Variants in USHBP1 observed in about 807,000 individuals in gnomAD.
The protein encoded by USHBP1 is USH1 protein network component harmonin binding protein 1, also known as harmonin-binding protein USHBP1.
In USHBP1, 67 loss-of-function variants were observed where a neutral mutation model predicts 76.2. That is an observed-to-expected ratio of 0.88 (90% CI 0.72 to 1.08). The LOEUF is 1.08. Among genes scored for constraint, USHBP1 ranks in the 50% least tolerant of loss-of-function variants. The probability of loss-of-function intolerance (pLI) is 0.00; values close to 1 mark genes in which losing one functional copy is unlikely to be tolerated. For missense variants in USHBP1, 931 were observed against 915.0 expected (o/e 1.02, Z -0.23); for synonymous variants, 322 against 362.2 (o/e 0.89, Z 1.26).
chr19:17,264,282 C>T lies in USHBP1; in HGVS notation c.18G>A (p.Thr6=), dbSNP rs890956444. The T allele has an allele frequency of 1.5e-5, 24 of 1,612,940 alleles. No homozygotes were observed. The East Asian group carries it at 2.2e-4, about 15-fold the overall frequency. The part of the protein sequence containing the change: MSARA[T]RPRSRRGRHA... ...GCCTCCCTCGCCGGCTTCGGGGCCG[C>T]GTGGCCCGGGCACTCATTGCTGTCC... Residue 6 remains threonine (T), a synonymous_variant, in exon 2 of 13, where the codon ACG becomes ACA. Coordinates refer to ENST00000252597, the MANE Select transcript of USHBP1 (RefSeq NM_031941.4).
In USHBP1 at chr19:17,261,337, C is replaced by CTTTCTTTCT. The variant is rs747378053; in HGVS notation, c.642+1214_642+1215insAGAAAGAAA. On this transcript the variant is annotated intron_variant, in intron 4 of 12. Transcript: ENST00000252597. ...TTTCTTTTTCTTTCTTTCTTTCTTT[C>CTTTCTTTCT]TTTTTTTTTTTTTTTTGAGAAAGAG... Among the ~76,000 whole-genome samples, 488 of 123,886 alleles carry CTTTCTTTCT rather than the reference C, an allele frequency of 3.9e-3. 4 individuals carry two copies. Among genetic ancestry groups the CTTTCTTTCT allele is most frequent in the African/African-American group, 0.014 (443 of 30,868 alleles). The allele number at this position is 123,886 out of a possible 152,430, so 81.3% of individuals were successfully genotyped here.
intron 4 of USHBP1, among the ~76,000 whole-genome samples, chr19:17,261,651 T>A (rs913836870): frequency 6.7e-5 from 10 of 149,638 alleles, no homozygotes; most frequent in Non-Finnish European, 8.9e-5. Context: ...TTTTTTTTTT[T>A]TTTTGAGACA....
chr19:17,249,446 A>G lies in USHBP1; in HGVS notation c.*779T>C, dbSNP rs11086063. The G allele has an allele frequency of 0.5, 73,566 of 147,868 alleles. 18,379 individuals carry two copies. Among genetic ancestry groups the G allele is most frequent in the East Asian group, 0.82 (4,181 of 5,124 alleles). 9.2% of individuals were successfully genotyped at this position (147,868 alleles called of 1,614,324 possible). A position where few individuals can be genotyped will look rare whatever the true frequency, so the allele number is the denominator to read the frequency against. ...GACCTCAGGTGATCCTCCCCGCCTC[A>G]GCCTCCCAAAGTGCTGGGATTACAG... On this transcript the variant is annotated 3_prime_UTR_variant, in exon 13 of 13. Transcript: ENST00000252597.
Position 17,250,101 on chromosome 19 carries a change from A to G in USHBP1, c.*124T>C. Reference sequence around the variant, plus strand: ...CAGGCCCTGGACACCCATGTGCACCAGCTTCCCTCACGCCAAATGTGCCCC... The same window carrying G: ...CAGGCCCTGGACACCCATGTGCACCGGCTTCCCTCACGCCAAATGTGCCCC... On this transcript the variant is annotated 3_prime_UTR_variant, in exon 13 of 13. Transcript: ENST00000252597. 1 of 1,164,338 alleles carries G rather than the reference A, an allele frequency of 8.6e-7. No individual in the cohort carries two copies. The highest frequency in any genetic ancestry group is 1.2e-6 in the Non-Finnish European group (1 of 839,672). The allele number at this position is 1,164,338 out of a possible 1,614,324, so 72.1% of individuals were successfully genotyped here.
chr19:17,262,868 A>G lies in USHBP1; in HGVS notation c.326T>C (p.Val109Ala). 6.2e-7 allele frequency: 1 copy of G among 1,612,730 alleles called. No homozygotes were observed. Among genetic ancestry groups the G allele is most frequent in the South Asian group, 1.1e-5 (1 of 91,016 alleles). Residue 109 changes from valine to alanine, a missense_variant, in exon 4 of 13, where the codon GTG (valine) becomes GCG (alanine). Transcript: ENST00000252597. ...ATCGGGGGCCCCATTCCCAGGGGGCACAGTCTCCTTGTACTGTAGGGCTGC... is the reference window on the plus strand; with the variant it reads ...ATCGGGGGCCCCATTCCCAGGGGGCGCAGTCTCCTTGTACTGTAGGGCTGC... ...PEAALQYKET[V>A]PPGNGAPDVF...
intron 6 of USHBP1, 49 bp downstream of exon 6, chr19:17,259,547 T>C (rs775033559): frequency 6.2e-7 from 1 of 1,602,210 alleles, no homozygotes. Context: ...TATAACTCAG[T>C]TGGAGGAGGT....
Position 17,262,997 on chromosome 19 carries a change from AC to A in USHBP1, c.204-8del. 6.6e-7 allele frequency: 1 copy of A among 1,506,738 alleles called. No individual in the cohort carries two copies. The highest frequency in any genetic ancestry group is 8.9e-7 in the Non-Finnish European group (1 of 1,127,636). 93.3% of individuals were successfully genotyped at this position (1,506,738 alleles called of 1,614,324 possible). ...ATCCATCTTCTTGTCAGTCCTGTGG[AC>A]ACCAACTCAGGCACTTGAGTCACTC... On this transcript the variant is annotated splice_polypyrimidine_tract_variant and splice_region_variant and intron_variant, in intron 3 of 12. Transcript: ENST00000252597.
intron 8 of USHBP1, 152 bp downstream of exon 8, chr19:17,258,060 G>A: frequency 9.9e-7 from 1 of 1,013,634 alleles, no homozygotes; most frequent in South Asian, 1.5e-5. Context: ...CTGCAGTTGA[G>A]CCTCATGTCA....
chr19:17,263,041 T>C, intron 3 of USHBP1, 51 bp from the exon 4 acceptor site: 2 of 1,483,138 alleles, frequency 1.3e-6, no homozygotes, highest in Admixed American at 2.4e-5. Context: ...GGCAAGGAAT[T>C]CTTTTTTATT....
At position 17,249,960 on chromosome 19, in the gene USHBP1, C is replaced by T; in HGVS notation, c.*265G>A. Reference sequence around the variant, plus strand: ...CCCGAAATGCGTCAGTCCCAGGGACCTGGTCCCATAGCCCAGGTTGCTTCT... The same window carrying T: ...CCCGAAATGCGTCAGTCCCAGGGACTTGGTCCCATAGCCCAGGTTGCTTCT... On this transcript the variant is annotated 3_prime_UTR_variant, in exon 13 of 13. Coordinates refer to ENST00000252597, the MANE Select transcript of USHBP1 (RefSeq NM_031941.4). 1 of 489,140 alleles carries T rather than the reference C, an allele frequency of 2.0e-6. No individual in the cohort carries two copies. The highest frequency in any genetic ancestry group is 3.9e-5 in the Admixed American group (1 of 25,538). 30.3% of individuals were successfully genotyped at this position (489,140 alleles called of 1,614,324 possible).
chr19:17,259,039 C>A (rs1386597748), intron 7 of USHBP1, among the ~76,000 whole-genome samples: 1 of 152,014 alleles, frequency 6.6e-6, no homozygotes, highest in African/African-American at 2.4e-5. Flanking sequence ...GTGGCATACA[C>A]CTGTAATCCC....
In USHBP1 at chr19:17,258,285, T is replaced by A; in HGVS notation, c.1147A>T (p.Lys383Ter). 1 of 1,614,108 alleles carries A rather than the reference T, an allele frequency of 6.2e-7. No homozygotes were observed. The highest frequency in any genetic ancestry group is 2.2e-5 in the East Asian group (1 of 44,874). ...TGTGCCAGCAGCCTCCATGCTTCCT[T>A]TTCAGCTGCTTGCAGGTCACTCATG... ...APMSDLQAAE[K>*]EAWRLLAQEE... The change falls in exon 8 of 13, where the codon AAG (lysine) becomes TAG (stop). Residue 383 changes from lysine to a stop codon, truncating the protein, a stop_gained. Coordinates refer to ENST00000252597, the MANE Select transcript of USHBP1 (RefSeq NM_031941.4). LOFTEE classifies it high-confidence loss of function.
chr19:17,250,198 A>G lies in USHBP1; in HGVS notation c.*27T>C. On this transcript the variant is annotated 3_prime_UTR_variant, in exon 13 of 13. Coordinates refer to ENST00000252597, the MANE Select transcript of USHBP1 (RefSeq NM_031941.4). Reference sequence around the variant, plus strand: ...TTATGACATGCCACAGCTGTCTGGCATGTCCAGACATGGCTGGGTAAGGGG... The same window carrying G: ...TTATGACATGCCACAGCTGTCTGGCGTGTCCAGACATGGCTGGGTAAGGGG... 6.3e-7 allele frequency: 1 copy of G among 1,582,702 alleles called. No homozygotes were observed. The highest frequency in any genetic ancestry group is 2.3e-5 in the East Asian group (1 of 42,828).
intron 7 of USHBP1, 44 bp from the exon 8 acceptor site, chr19:17,258,429 C>A (rs1168987903): frequency 4.4e-6 from 7 of 1,586,968 alleles, no homozygotes; most frequent in Non-Finnish European, 3.4e-6. Context: ...CTCAGCTCGG[C>A]TGGGTGCAAT....
rs200525274 is a variant in USHBP1, at chr19:17,251,920, G to A, written c.1790C>T (p.Ser597Leu). 9 of 1,543,220 alleles carry A rather than the reference G, an allele frequency of 5.8e-6. No homozygotes were observed. In the East Asian group the frequency reaches 7.3e-5, roughly 13 times the overall value. ...PEKLAQELAASLTRTLDLQEQ... is the reference protein window; with the variant it reads ...PEKLAQELAALLTRTLDLQEQ... ...GGACCCAGGCACACACCTGGTGAGCGATGCTGCCAGTTCCTGGGCTAACTT... is the reference window on the plus strand; with the variant it reads ...GGACCCAGGCACACACCTGGTGAGCAATGCTGCCAGTTCCTGGGCTAACTT... The change falls in exon 11 of 13, where the codon TCG (serine) becomes TTG (leucine). Residue 597 changes from serine to leucine, a missense_variant. Coordinates refer to ENST00000252597, the MANE Select transcript of USHBP1 (RefSeq NM_031941.4).
chr19:17,261,550 G>T (rs1444504284), intron 4 of USHBP1, among the ~76,000 whole-genome samples: 3 of 151,428 alleles, frequency 2.0e-5, no homozygotes, highest in African/African-American at 7.3e-5. Flanking sequence ...TAGCCAGGAT[G>T]GTCTCGATCT....
intron 7 of USHBP1, 115 bp downstream of exon 7, chr19:17,259,174 A>C: frequency 7.0e-7 from 1 of 1,432,584 alleles, no homozygotes; most frequent in South Asian, 1.5e-5. Context: ...CAAAAAAAAA[A>C]ATTAATTTCT....
Position 17,258,389 on chromosome 19 carries a change from TG to T in USHBP1, c.1047-5del. On this transcript the variant is annotated splice_polypyrimidine_tract_variant and splice_region_variant and intron_variant, in intron 7 of 12. Coordinates refer to ENST00000252597, the MANE Select transcript of USHBP1 (RefSeq NM_031941.4). ...GTATGCCTCTTCACAGTGTTCACTG[TG>T]GGACACTGGTTCTGAGTGCTTCAGG... 6.2e-7 allele frequency: 1 copy of T among 1,612,350 alleles called. No individual in the cohort carries two copies.
Position 17,259,625 on chromosome 19 carries a change from G to GAT in USHBP1, c.874_875dup (p.Met293SerfsTer41). 6.2e-7 allele frequency: 1 copy of GAT among 1,613,230 alleles called. No homozygotes were observed. The highest frequency in any genetic ancestry group is 8.5e-7 in the Non-Finnish European group (1 of 1,179,678). On this transcript the variant is annotated frameshift_variant, in exon 6 of 13. Transcript: ENST00000252597. LOFTEE classifies it high-confidence loss of function. ...GGAGTTGCTCCATCTGGGCTTCCAT[G>GAT]ATGTGCATCTCAGGACTGAGGGGCT...
Sources: allele counts gnomAD v4.1 joint callset (sites outside exome capture counted in the v4.1 genomes callset), GRCh38; gene constraint gnomAD v4.1.1; transcripts MANE v1.5; gene names NCBI Gene and HGNC (gene_info 2026-07-23, HGNC 2026-07-21).